Variants in MYT1L observed in about 807,000 individuals in gnomAD.
MYT1L encodes myelin transcription factor 1-like protein.
A neutral mutation model predicts 126.7 loss-of-function variants in MYT1L; 12 were observed. That is an observed-to-expected ratio of 0.09 (90% CI 0.06 to 0.15). The LOEUF (loss-of-function observed/expected upper bound fraction) is 0.15, where lower values mean the gene tolerates loss of function less well. MYT1L is among the 10% of genes least tolerant of loss of function. The pLI is 1.00. For missense variants in MYT1L, 979 were observed against 1,585.2 expected (o/e 0.62, Z 6.49); for synonymous variants, 541 against 604.2 (o/e 0.90, Z 1.53).
chr2:1,982,386 C>T (rs746453461), intron 5 of MYT1L, among the ~76,000 whole-genome samples: 65 of 152,166 alleles, frequency 4.3e-4, no homozygotes, highest in Non-Finnish European at 1.9e-4. Context: ...TGAATTAAAA[C>T]ATTTAATGAA....
intron 3 of MYT1L, among the ~76,000 whole-genome samples, chr2:2,140,422 CTTTCTT>C (rs1281937374): frequency 2.2e-5 from 3 of 136,486 alleles, no homozygotes; most frequent in Non-Finnish European, 4.8e-5. Flanking sequence ...TATTTTTTTT[CTTTCTT>C]TTTCTTTTTT....
At chr2:1,906,982 C>T (rs1162410845) in intron 13 of MYT1L, among the ~76,000 whole-genome samples, 3 of 151,198 alleles carry the variant, frequency 2.0e-5, no homozygotes, top group Non-Finnish European at 4.4e-5. Flanking sequence ...TGTGGTGGTG[C>T]ATGCCCATTG....
chr2:1,951,032 TG>T (rs1347906020), intron 8 of MYT1L, among the ~76,000 whole-genome samples: 1 of 152,108 alleles, frequency 6.6e-6, no homozygotes, highest in Non-Finnish European at 1.5e-5. Flanking sequence ...GTGTGTGCAC[TG>T]GTACGGAAGA....
chr2:2,135,596 A>C (rs754980466), intron 3 of MYT1L, among the ~76,000 whole-genome samples: 27 of 152,234 alleles, frequency 1.8e-4, no homozygotes, highest in Non-Finnish European at 3.8e-4. Flanking sequence ...TGTTGATAGA[A>C]TATAGAAATG....
At chr2:2,202,950 A>G (rs2093148450) in intron 2 of MYT1L, among the ~76,000 whole-genome samples, 1 of 152,050 alleles carries the variant, frequency 6.6e-6, no homozygotes, top group Non-Finnish European at 1.5e-5. Context: ...CATCCCTGGG[A>G]TGCAAGGCTG....
intron 3 of MYT1L, among the ~76,000 whole-genome samples, chr2:2,106,181 G>C (rs1227417316): frequency 6.6e-6 from 1 of 152,184 alleles, no homozygotes; most frequent in African/African-American, 2.4e-5. Flanking sequence ...GCTTCCTTTG[G>C]AAGCCTTTCA....
At chr2:1,795,373 C>T (rs1006736751) in intron 23 of MYT1L, among the ~76,000 whole-genome samples, 5 of 152,278 alleles carry the variant, frequency 3.3e-5, no homozygotes, top group Non-Finnish European at 2.9e-5. Context: ...CAGCACGCTG[C>T]GGCGGTCATG....
At chr2:2,014,408 C>A (rs2064158100) in intron 4 of MYT1L, among the ~76,000 whole-genome samples, 1 of 152,124 alleles carries the variant, frequency 6.6e-6, no homozygotes, top group African/African-American at 2.4e-5. Flanking sequence ...CTGCTGACAG[C>A]CCTGGGAAGG....
chr2:1,805,741 C>T (rs933536545), intron 22 of MYT1L, among the ~76,000 whole-genome samples: 2 of 152,132 alleles, frequency 1.3e-5, no homozygotes, highest in African/African-American at 4.8e-5. Context: ...CAAAAATTAG[C>T]TGAGTGTGAT....
At chr2:1,976,010 T>C (rs912604933) in intron 8 of MYT1L, among the ~76,000 whole-genome samples, 3 of 151,136 alleles carry the variant, frequency 2.0e-5, no homozygotes, top group Non-Finnish European at 4.4e-5. Context: ...CACCTCAAAG[T>C]ACTGAAATAC....
chr2:2,171,246 T>C (rs114070137), intron 3 of MYT1L, among the ~76,000 whole-genome samples: 5 of 152,330 alleles, frequency 3.3e-5, no homozygotes, highest in African/African-American at 1.2e-4. Flanking sequence ...CTGAGAACCC[T>C]ACTGAAAGCC....
At chr2:2,063,041 T>C (rs1408285685) in intron 3 of MYT1L, among the ~76,000 whole-genome samples, 4 of 152,182 alleles carry the variant, frequency 2.6e-5, no homozygotes, top group Non-Finnish European at 5.9e-5. Context: ...CAATCTTATT[T>C]TCCATCCCTT....
chr2:1,876,839 C>A (rs749548458), intron 18 of MYT1L, among the ~76,000 whole-genome samples: 1 of 152,360 alleles, frequency 6.6e-6, no homozygotes, highest in East Asian at 1.9e-4. Flanking sequence ...TTTCTCCCTG[C>A]CCCTCCTCTG....
chr2:1,988,111 C>T (rs2061188177), intron 5 of MYT1L, among the ~76,000 whole-genome samples: 1 of 152,158 alleles, frequency 6.6e-6, no homozygotes, highest in South Asian at 2.1e-4. Flanking sequence ...GACCTCCACC[C>T]TCCCGCCAGC....
intron 4 of MYT1L, among the ~76,000 whole-genome samples, chr2:2,027,258 G>C (rs144187387): frequency 6.6e-6 from 1 of 152,096 alleles, no homozygotes; most frequent in Non-Finnish European, 1.5e-5. Flanking sequence ...GCACCCTCCC[G>C]GCTGGTGAGT....
At chr2:1,919,269 G>C (rs1479516435) in intron 10 of MYT1L, among the ~76,000 whole-genome samples, 1 of 152,180 alleles carries the variant, frequency 6.6e-6, no homozygotes, top group African/African-American at 2.4e-5. Flanking sequence ...TCCTGGTTGA[G>C]GTGGGGTCAT....
chr2:1,833,289 TACTC>T (rs564356409), intron 21 of MYT1L, among the ~76,000 whole-genome samples: 36 of 152,186 alleles, frequency 2.4e-4, no homozygotes, highest in Non-Finnish European at 4.6e-4. Context: ...TGTTAGGTCT[TACTC>T]ACCATCACCA....
Position 2,228,379 on chromosome 2 carries a change from C to T in MYT1L, c.-420-55391G>A, listed in dbSNP as rs1486145751. 6.6e-6 allele frequency among the ~76,000 whole-genome samples: 1 copy of T among 152,120 alleles called. No homozygotes were observed. Among genetic ancestry groups the T allele is most frequent in the East Asian group, 1.9e-4 (1 of 5,192 alleles). On this transcript the variant is annotated intron_variant, in intron 2 of 24. Transcript: ENST00000647738. This position sits in a 1 kb window ranked among gnomAD's most constrained non-coding sequence, Gnocchi z 5.9. ...ATTTAGCTAGCCACATGGTTACTTA[C>T]CATTGTGTTAGATTTTGAATACTGT...
chr2:2,193,935 T>A (rs945602437), intron 2 of MYT1L, among the ~76,000 whole-genome samples: 2 of 151,724 alleles, frequency 1.3e-5, no homozygotes, highest in Admixed American at 6.6e-5. Context: ...ACAACATCTG[T>A]ATATAAAATT....
Sources: gnomAD v4.1 joint callset for allele counts (sites outside exome capture counted in the v4.1 genomes callset) on GRCh38, gnomAD v4.1.1 for gene constraint, Gnocchi (gnomAD v3.1) non-coding constraint, MANE v1.5 for transcripts, NCBI Gene and HGNC (gene_info 2026-07-23, HGNC 2026-07-21) for gene names.